Variants in PAPOLG observed in about 807,000 individuals in gnomAD.
PAPOLG encodes poly(A) polymerase gamma, also known as PAP-gamma.
Under a neutral mutation model 99.0 loss-of-function variants are expected in PAPOLG, and 40 were observed. That is an observed-to-expected ratio of 0.40 (90% CI 0.31 to 0.53). The LOEUF (loss-of-function observed/expected upper bound fraction) is 0.53. Among genes scored for constraint, PAPOLG ranks in the 20% least tolerant of loss-of-function variants. The probability of loss-of-function intolerance (pLI) is 0.41; values close to 1 mark genes in which losing one functional copy is unlikely to be tolerated. For missense variants in PAPOLG, 675 were observed against 884.1 expected, an observed-to-expected ratio of 0.76 and a Z score of 3.00; for synonymous variants, 310 against 299.3, an observed-to-expected ratio of 1.04 and a Z score of -0.37.
intron 9 of PAPOLG, 136 bp from the exon 10 acceptor site, chr2:60,780,571 C>T (rs375754325): frequency 1.2e-4 from 95 of 818,038 alleles, no homozygotes; most frequent in East Asian, 5.6e-4. Flanking sequence ...CCACCATGCT[C>T]GGCCTTTTTT....
chr2:60,773,835 A>G (rs565072398), intron 7 of PAPOLG, among the ~76,000 whole-genome samples: 6 of 152,348 alleles, frequency 3.9e-5, no homozygotes, highest in African/African-American at 9.6e-5. Flanking sequence ...ATTATTGGCA[A>G]CAAATTTTGT....
Position 60,798,642 on chromosome 2 carries a change from G to C in PAPOLG, c.*1482G>C, listed in dbSNP as rs1671781202. 1 of 152,360 alleles carries C rather than the reference G, an allele frequency of 6.6e-6. No individual in the cohort carries two copies. The highest frequency in any genetic ancestry group is 1.5e-5 in the Non-Finnish European group (1 of 68,040). 9.4% of individuals were successfully genotyped at this position (152,360 alleles called of 1,614,324 possible). Reference sequence around the variant, plus strand: ...AAAACCCAAAATGGTACATTGAGTAGTGTGGGGAAGACACCTCGTGTATTA... The same window carrying C: ...AAAACCCAAAATGGTACATTGAGTACTGTGGGGAAGACACCTCGTGTATTA... On this transcript the variant is annotated 3_prime_UTR_variant, in exon 22 of 22. Coordinates refer to ENST00000238714, the MANE Select transcript of PAPOLG (RefSeq NM_022894.4).
At chr2:60,785,135 T>G (rs971558957) in intron 13 of PAPOLG, among the ~76,000 whole-genome samples, 2 of 152,042 alleles carry the variant, frequency 1.3e-5, no homozygotes, top group Non-Finnish European at 2.9e-5. Context: ...TGAATTCTTT[T>G]TTTGTTTTTT....
intron 15 of PAPOLG, among the ~76,000 whole-genome samples, chr2:60,789,825 C>T (rs1244444851): frequency 6.6e-6 from 1 of 152,196 alleles, no homozygotes; most frequent in Non-Finnish European, 1.5e-5. Flanking sequence ...CGTGGTGGCT[C>T]ACGCCTGTAA....
intron 16 of PAPOLG, 49 bp downstream of exon 16, chr2:60,791,931 A>T: frequency 3.2e-6 from 5 of 1,580,724 alleles, no homozygotes. Context: ...CAGACAAATG[A>T]TCTGGGACCA....
At chr2:60,777,373 T>C (rs1443648998) in intron 8 of PAPOLG, among the ~76,000 whole-genome samples, 1 of 152,164 alleles carries the variant, frequency 6.6e-6, no homozygotes, top group Non-Finnish European at 1.5e-5. Flanking sequence ...GGAGAATCAC[T>C]TGAACCCAGG....
chr2:60,773,467 G>A (rs902566115), intron 7 of PAPOLG, among the ~76,000 whole-genome samples: 27 of 152,092 alleles, frequency 1.8e-4, no homozygotes, highest in African/African-American at 4.3e-4. Flanking sequence ...TATTTGTTCC[G>A]TTTTGTTGCT....
At chr2:60,764,432 T>G (rs1272639310) in intron 3 of PAPOLG, among the ~76,000 whole-genome samples, 1 of 151,910 alleles carries the variant, frequency 6.6e-6, no homozygotes, top group African/African-American at 2.4e-5. Flanking sequence ...TTTTTTTTTT[T>G]TGGCGATGGG....
At chr2:60,773,764 A>G (rs565398547) in intron 7 of PAPOLG, among the ~76,000 whole-genome samples, 1 of 152,214 alleles carries the variant, frequency 6.6e-6, no homozygotes, top group East Asian at 1.9e-4. Context: ...AAAGGTGTCA[A>G]GCTCATAGTA....
At chr2:60,796,005 A>G (rs1214392067) in intron 21 of PAPOLG, among the ~76,000 whole-genome samples, 4 of 152,134 alleles carry the variant, frequency 2.6e-5, no homozygotes, top group Non-Finnish European at 5.9e-5. Context: ...AAATTGTAAT[A>G]ATGTCTGAAA....
In PAPOLG at chr2:60,792,358, T is replaced by C. The variant is rs74937527; in HGVS notation, c.1679+69T>C. 4,818 of 1,349,372 alleles carry C rather than the reference T, an allele frequency of 3.6e-3. 126 individuals are homozygous for C. In the African/African-American group the frequency reaches 0.06, roughly 17 times the overall value. The allele number at this position is 1,349,372 out of a possible 1,614,324, so 83.6% of individuals were successfully genotyped here. ...TTTATTTGAGGATAATGTGAACTTT[T>C]CTATACCTCTGCTACTGCCTTTTAA... On this transcript the variant is annotated intron_variant, in intron 17 of 21. Transcript: ENST00000238714.
At chr2:60,779,879 A>G (rs1353959728) in intron 9 of PAPOLG, 104 bp downstream of exon 9, 3 of 996,230 alleles carry the variant, frequency 3.0e-6, no homozygotes, top group African/African-American at 3.2e-5. Flanking sequence ...GTTGTTTTAC[A>G]TTGCTTTGTA....
intron 2 of PAPOLG, 81 bp from the exon 3 acceptor site, chr2:60,761,660 G>A (rs1415759460): frequency 8.3e-7 from 1 of 1,198,472 alleles, no homozygotes; most frequent in African/African-American, 1.5e-5. Flanking sequence ...TCAACACAAA[G>A]GGTACTGCCT....
At chr2:60,792,093 G>A (rs1214239609) in intron 16 of PAPOLG, 36 bp from the exon 17 acceptor site, 1 of 1,554,536 alleles carries the variant, frequency 6.4e-7, no homozygotes, top group East Asian at 2.3e-5. Flanking sequence ...ATTGTCATTT[G>A]CATTTTGAAA....
intron 1 of PAPOLG, 135 bp downstream of exon 1, chr2:60,756,630 C>T (rs1285633543): frequency 2.0e-6 from 2 of 998,780 alleles, no homozygotes; most frequent in Non-Finnish European, 2.9e-6. Context: ...TCCCGGCTCC[C>T]GGCCGGTCCG....
intron 21 of PAPOLG, among the ~76,000 whole-genome samples, chr2:60,796,686 C>A (rs1240988594): frequency 1.3e-5 from 2 of 151,916 alleles, no homozygotes; most frequent in African/African-American, 4.8e-5. Context: ...TCACTTCACA[C>A]CCCAAGAGCT....
intron 2 of PAPOLG, among the ~76,000 whole-genome samples, chr2:60,761,063 T>A (rs1363341825): frequency 6.6e-6 from 1 of 152,010 alleles, no homozygotes; most frequent in Non-Finnish European, 1.5e-5. Context: ...GTTCTTAGGG[T>A]TTAATGACTG....
At chr2:60,758,015 A>G (rs1038309396) in intron 1 of PAPOLG, among the ~76,000 whole-genome samples, 2 of 152,202 alleles carry the variant, frequency 1.3e-5, no homozygotes, top group African/African-American at 2.4e-5. Flanking sequence ...TTTGGAGTTC[A>G]GATTCTGGCT....
At chr2:60,770,553 T>A in intron 6 of PAPOLG, 42 bp downstream of exon 6, 1 of 1,299,418 alleles carries the variant, frequency 7.7e-7, no homozygotes, top group Non-Finnish European at 1.1e-6. Context: ...TTGAACTGTT[T>A]AAACTTGTAA....
Sources: gnomAD v4.1 joint callset for allele counts (sites outside exome capture counted in the v4.1 genomes callset) on GRCh38, gnomAD v4.1.1 for gene constraint, MANE v1.5 for transcripts, NCBI Gene and HGNC (gene_info 2026-07-23, HGNC 2026-07-21) for gene names.